The following CFAP299 variants were observed in gnomAD, a reference collection of about 807,000 sequenced individuals.
CFAP299 encodes the protein cilia- and flagella-associated protein 299.
A neutral mutation model predicts 27.0 loss-of-function variants in CFAP299; 21 were observed. That is an observed-to-expected ratio of 0.78 (90% CI 0.55 to 1.12). The LOEUF (loss-of-function observed/expected upper bound fraction) is 1.12. CFAP299 is among the 50% of genes most tolerant of loss of function. The pLI is 0.00. For missense variants in CFAP299, 310 were observed against 276.6 expected (o/e 1.12, Z -0.86); for synonymous variants, 104 against 98.1 (o/e 1.06, Z -0.36).
chr4:80,805,772 G>C (rs939967926), intron 3 of CFAP299, among the ~76,000 whole-genome samples: 1 of 152,162 alleles, frequency 6.6e-6, no homozygotes, highest in Non-Finnish European at 1.5e-5. Context: ...AGCTCAGGAG[G>C]GTGAGGCAGG....
At chr4:80,483,265 T>C (rs918995513) in intron 2 of CFAP299, among the ~76,000 whole-genome samples, 1 of 152,188 alleles carries the variant, frequency 6.6e-6, no homozygotes, top group African/African-American at 2.4e-5. Context: ...ATTGATTTTC[T>C]CACAGAATCT....
chr4:80,945,149 G>A (rs376053352), intron 5 of CFAP299, among the ~76,000 whole-genome samples: 23 of 152,284 alleles, frequency 1.5e-4, no homozygotes, highest in African/African-American at 5.5e-4. Flanking sequence ...AGTTTAGGGG[G>A]AATTTAAACA....
intron 2 of CFAP299, among the ~76,000 whole-genome samples, chr4:80,449,040 C>T (rs1001536445): frequency 6.6e-6 from 1 of 152,144 alleles, no homozygotes; most frequent in Non-Finnish European, 1.5e-5. Context: ...AGTTCTACAT[C>T]TTCTTCTGCC....
At position 80,642,463 on chromosome 4, in the gene CFAP299, T is replaced by G. The variant is rs1739773266; in HGVS notation, c.333+59280T>G. Among the ~76,000 whole-genome samples, 6 of 152,162 alleles carry G rather than the reference T, an allele frequency of 3.9e-5. No individual in the cohort carries two copies. The South Asian group carries it at 1.2e-3, about 32-fold the overall frequency. On this transcript the variant is annotated intron_variant, in intron 3 of 5. Transcript: ENST00000358105. The stretch of plus-strand genomic sequence containing the variant: ...AATTACTAGTACCTACCTTGACAAT[T>G]TAGTTAAAACAAAAATAGTTGGCCA...
intron 3 of CFAP299, among the ~76,000 whole-genome samples, chr4:80,859,574 C>T (rs1268530372): frequency 2.0e-5 from 3 of 152,034 alleles, no homozygotes; most frequent in Non-Finnish European, 4.4e-5. Flanking sequence ...ATGTTTAGCA[C>T]TTCCTTCAGG....
intron 2 of CFAP299, among the ~76,000 whole-genome samples, chr4:80,454,365 G>C (rs544693606): frequency 1.3e-5 from 2 of 152,282 alleles, no homozygotes; most frequent in East Asian, 3.9e-4. Context: ...CATTATTTAG[G>C]CAAAATATTG....
intron 3 of CFAP299, among the ~76,000 whole-genome samples, chr4:80,836,739 C>T (rs1730581369): frequency 1.3e-5 from 2 of 152,084 alleles, no homozygotes; most frequent in South Asian, 4.1e-4. Flanking sequence ...ATGCATATAT[C>T]TTTGAGGGGG....
chr4:80,881,918 AT>A (rs1416657273), intron 4 of CFAP299, among the ~76,000 whole-genome samples: 10 of 152,330 alleles, frequency 6.6e-5, no homozygotes, highest in African/African-American at 2.4e-4. Context: ...ATGAAAAAGA[AT>A]TAACCAGAAA....
At chr4:80,920,629 T>C (rs182227336) in intron 4 of CFAP299, among the ~76,000 whole-genome samples, 1 of 152,256 alleles carries the variant, frequency 6.6e-6, no homozygotes, top group East Asian at 1.9e-4. Context: ...CCTTTTACTA[T>C]AATATATTAA....
chr4:80,635,333 A>G (rs1273427317), intron 3 of CFAP299, among the ~76,000 whole-genome samples: 1 of 152,172 alleles, frequency 6.6e-6, no homozygotes, highest in African/African-American at 2.4e-5. Context: ...GATACCCCAC[A>G]GAATACTGAA....
chr4:80,504,967 C>A (rs1731946468), intron 2 of CFAP299, among the ~76,000 whole-genome samples: 2 of 147,526 alleles, frequency 1.4e-5, no homozygotes, highest in Admixed American at 1.4e-4. Context: ...GTTCATCCCC[C>A]ATTTTATATA....
chr4:80,737,922 T>G (rs771004957), intron 3 of CFAP299, among the ~76,000 whole-genome samples: 58 of 152,282 alleles, frequency 3.8e-4, no homozygotes, highest in Middle Eastern at 3.4e-3. Flanking sequence ...TTTGGTATGT[T>G]GAGTTTTAAT....
At chr4:80,492,589 A>G (rs1458957479) in intron 2 of CFAP299, among the ~76,000 whole-genome samples, 1 of 152,230 alleles carries the variant, frequency 6.6e-6, no homozygotes, top group Admixed American at 6.5e-5. Context: ...AGTATGATAC[A>G]TAATTATTTA....
At chr4:80,422,311 T>C (rs910796967) in intron 2 of CFAP299, among the ~76,000 whole-genome samples, 2 of 151,992 alleles carry the variant, frequency 1.3e-5, no homozygotes, top group Non-Finnish European at 2.9e-5. Context: ...CTGTAGTTTA[T>C]AAAATAAGTA....
At chr4:80,828,851 T>C (rs1730136469) in intron 3 of CFAP299, among the ~76,000 whole-genome samples, 1 of 152,112 alleles carries the variant, frequency 6.6e-6, no homozygotes, top group South Asian at 2.1e-4. Flanking sequence ...ATAATGTTTT[T>C]AGTGAATGGT....
At chr4:80,409,027 G>A (rs2110058719) in intron 2 of CFAP299, among the ~76,000 whole-genome samples, 1 of 141,646 alleles carries the variant, frequency 7.1e-6, no homozygotes, top group South Asian at 2.2e-4. Flanking sequence ...GGGTTGTAAT[G>A]AGACTCTTTC....
Position 80,741,316 on chromosome 4 carries a change from T to A in CFAP299, c.334-128677T>A, listed in dbSNP as rs529941911. ...CAGGCTGGAGTGCAGTGGCATGATC[T>A]CAGCTCACTGCAACCTCCACCTCCT... On this transcript the variant is annotated intron_variant, in intron 3 of 5. Transcript: ENST00000358105. Among the ~76,000 whole-genome samples, 70 of 152,258 alleles carry A rather than the reference T, an allele frequency of 4.6e-4. 1 individual carries two copies. The highest frequency in any genetic ancestry group is 1.5e-3 in the African/African-American group (62 of 41,552).
At chr4:80,795,526 A>G (rs975685567) in intron 3 of CFAP299, among the ~76,000 whole-genome samples, 1 of 152,140 alleles carries the variant, frequency 6.6e-6, no homozygotes. Context: ...TCAACTGATC[A>G]TAGGGAACTC....
At chr4:80,668,495 G>T (rs1241760291) in intron 3 of CFAP299, among the ~76,000 whole-genome samples, 1 of 152,092 alleles carries the variant, frequency 6.6e-6, no homozygotes, top group Non-Finnish European at 1.5e-5. Context: ...GAAAGGTGAA[G>T]ATCTAGTTTT....
Sources: gnomAD v4.1 joint callset for allele counts (sites outside exome capture counted in the v4.1 genomes callset) on GRCh38, gnomAD v4.1.1 for gene constraint, MANE v1.5 for transcripts, NCBI Gene and HGNC (gene_info 2026-07-23, HGNC 2026-07-21) for gene names.